DRG2: variants seen among roughly 807,000 people sequenced by gnomAD.
DRG2 encodes the protein developmentally regulated GTP binding protein 2, also known as developmentally-regulated GTP-binding protein 2.
A neutral mutation model predicts 53.4 loss-of-function variants in DRG2; 36 were observed. That is an observed-to-expected ratio of 0.67 (90% CI 0.52 to 0.89). The LOEUF (loss-of-function observed/expected upper bound fraction) is 0.89, where lower values mean the gene tolerates loss of function less well. Among genes scored for constraint, DRG2 ranks in the 40% least tolerant of loss-of-function variants. The pLI is 0.00. For missense variants in DRG2, 342 were observed against 481.2 expected, an observed-to-expected ratio of 0.71 and a Z score of 2.71; for synonymous variants, 167 against 192.1, an observed-to-expected ratio of 0.87 and a Z score of 1.08.
chr17:18,097,069 A>G (rs2045446055), intron 2 of DRG2: 1 of 152,072 alleles, frequency 6.6e-6, no homozygotes, highest in African/African-American at 2.4e-5. Context: ...CACCTGCCTT[A>G]TTGGGAGTAT....
At chr17:18,094,607 C>T (rs1220345921) in intron 2 of DRG2, among the ~76,000 whole-genome samples, 2 of 152,088 alleles carry the variant, frequency 1.3e-5, no homozygotes, top group South Asian at 2.1e-4. Context: ...GGGCAGAAGA[C>T]AGAGAGGATA....
intron 11 of DRG2, among the ~76,000 whole-genome samples, chr17:18,105,243 C>T (rs553832447): frequency 1.3e-5 from 2 of 152,286 alleles, no homozygotes; most frequent in Admixed American, 6.5e-5. Flanking sequence ...GTCACCTGAA[C>T]ATGACCCTGC....
At chr17:18,088,120 G>A in intron 1 of DRG2, 33 bp downstream of exon 1, 1 of 1,533,718 alleles carries the variant, frequency 6.5e-7, no homozygotes, top group Non-Finnish European at 8.8e-7. Flanking sequence ...CTTCCTTTCT[G>A]CCTGCCTCAG....
chr17:18,106,692 T>A (rs1224851980), intron 12 of DRG2, among the ~76,000 whole-genome samples: 1 of 145,342 alleles, frequency 6.9e-6, no homozygotes, highest in South Asian at 2.3e-4. Context: ...TTCTGGTTTT[T>A]TTTTTTTTTT....
intron 1 of DRG2, among the ~76,000 whole-genome samples, chr17:18,090,404 A>T (rs1165178637): frequency 0.31 from 3,600 of 11,534 alleles, 667 homozygotes; most frequent in South Asian, 0.63. Flanking sequence ...ATATATATAT[A>T]TATTTTTTTT....
At chr17:18,091,244 T>A (rs571764484) in intron 1 of DRG2, among the ~76,000 whole-genome samples, 1 of 152,320 alleles carries the variant, frequency 6.6e-6, no homozygotes, top group East Asian at 1.9e-4. Context: ...CTAAGCGATG[T>A]TCTTAGTGCT....
chr17:18,100,763 T>A lies in DRG2; in HGVS notation c.631+104T>A. 2.7e-6 allele frequency: 3 copies of A among 1,100,780 alleles called. No homozygotes were observed. Among genetic ancestry groups the A allele is most frequent in the Non-Finnish European group, 4.0e-6 (3 of 750,472 alleles). 68.2% of individuals were successfully genotyped at this position (1,100,780 alleles called of 1,614,324 possible). A position where few individuals can be genotyped will look rare whatever the true frequency, so the allele number is the denominator to read the frequency against. On this transcript the variant is annotated intron_variant, in intron 7 of 12. Coordinates refer to ENST00000225729, the MANE Select transcript of DRG2 (RefSeq NM_001388.5). The surrounding 1 kb of genome is among the most constrained non-coding windows in gnomAD (Gnocchi z 4.1). ...CCTCATGGAGCAGGGTGGCAGCAGG[T>A]CACCCCCACTGCCCCTGCTGTCCAT...
intron 9 of DRG2, 64 bp downstream of exon 9, chr17:18,102,061 G>A: frequency 6.6e-7 from 1 of 1,519,126 alleles, no homozygotes; most frequent in Non-Finnish European, 9.0e-7. Context: ...CAGTCGTCAG[G>A]CCTCCCAGCC....
Position 18,098,382 on chromosome 17 carries a change from G to A in DRG2, c.315+23G>A, listed in dbSNP as rs375195257. 2 of 1,605,114 alleles carry A rather than the reference G, an allele frequency of 1.2e-6. No individual in the cohort carries two copies. Among genetic ancestry groups the A allele is most frequent in the Non-Finnish European group, 1.7e-6 (2 of 1,172,120 alleles). On this transcript the variant is annotated intron_variant, in intron 3 of 12. Transcript: ENST00000225729. The surrounding 1 kb of genome is among the most constrained non-coding windows in gnomAD (Gnocchi z 4.1). Reference sequence around the variant, plus strand: ...GAAGTAAGTGGGTGTGCTGGGCCCAGAAGGAGAAGGGGCGCATGCTTGTGT... The same window carrying A: ...GAAGTAAGTGGGTGTGCTGGGCCCAAAAGGAGAAGGGGCGCATGCTTGTGT...
chr17:18,104,269 C>T lies in DRG2; in HGVS notation c.896-354C>T, dbSNP rs62073585. Among the ~76,000 whole-genome samples the T allele has an allele frequency of 5.8e-3, 891 of 152,320 alleles. 10 individuals carry two copies. The highest frequency in any genetic ancestry group is 9.2e-3 in the Non-Finnish European group (627 of 68,036). On this transcript the variant is annotated intron_variant, in intron 10 of 12. Coordinates refer to ENST00000225729, the MANE Select transcript of DRG2 (RefSeq NM_001388.5). ...CAGCTGAATTCGGAGCAGTTTGCAT[C>T]AACCCTGACTTTGGCAAGGAGTGAG...
Position 18,107,412 on chromosome 17 carries a change from G to C in DRG2, c.*172G>C. The C allele has an allele frequency of 1.5e-6, 1 of 654,224 alleles. No individual in the cohort carries two copies. Among genetic ancestry groups the C allele is most frequent in the Admixed American group, 2.6e-5 (1 of 38,730 alleles). The allele number at this position is 654,224 out of a possible 1,614,324, so 40.5% of individuals were successfully genotyped here. A position where few individuals can be genotyped will look rare whatever the true frequency, so the allele number is the denominator to read the frequency against. ...TCAGTAGGCAGACGAAGAGTGTGTT[G>C]GGGCAAAGGGGCTCGGTTGGAGGCA... On this transcript the variant is annotated 3_prime_UTR_variant, in exon 13 of 13. Coordinates refer to ENST00000225729, the MANE Select transcript of DRG2 (RefSeq NM_001388.5).
At chr17:18,094,045 C>G (rs2045384865) in intron 2 of DRG2, 72 bp downstream of exon 2, 11 of 1,549,636 alleles carry the variant, frequency 7.1e-6, no homozygotes, top group Non-Finnish European at 8.8e-6. Context: ...ACCATCCAGG[C>G]TCCCCTCGCT....
Position 18,100,532 on chromosome 17 carries a change from G to C in DRG2, c.541-37G>C. The stretch of plus-strand genomic sequence containing the variant: ...TGTGGGACCATTGCTGTGACCCCTC[G>C]GTCAGCAGTTCTCCCCATCCCTTTC... On this transcript the variant is annotated intron_variant, in intron 6 of 12. Coordinates refer to ENST00000225729, the MANE Select transcript of DRG2 (RefSeq NM_001388.5). This position sits in a 1 kb window ranked among gnomAD's most constrained non-coding sequence, Gnocchi z 4.1. The C allele has an allele frequency of 6.2e-7, 1 of 1,613,566 alleles. No individual in the cohort carries two copies. The highest frequency in any genetic ancestry group is 8.5e-7 in the Non-Finnish European group (1 of 1,179,482).
At position 18,102,087 on chromosome 17, in the gene DRG2, G is replaced by A. The variant is rs1440635750; in HGVS notation, c.806+90G>A. On this transcript the variant is annotated intron_variant, in intron 9 of 12. Transcript: ENST00000225729. ...CCTCCCAGCCACTTTGGCTGTGGAG[G>A]AGGAAAAGCCAGCACAGCCTCCAGC... The A allele has an allele frequency of 2.2e-6, 3 of 1,386,416 alleles. No individual in the cohort carries two copies. In the Admixed American group the frequency reaches 5.9e-5, roughly 27 times the overall value. 85.9% of individuals were successfully genotyped at this position (1,386,416 alleles called of 1,614,324 possible).
At chr17:18,106,252 A>C in intron 11 of DRG2, 181 bp from the exon 12 acceptor site, 1 of 625,724 alleles carries the variant, frequency 1.6e-6, no homozygotes, top group Admixed American at 2.4e-5. Flanking sequence ...TGCAGCTGTG[A>C]TTGGGTGGCT....
Position 18,106,341 on chromosome 17 carries a change from G to A in DRG2, c.955-92G>A. The A allele has an allele frequency of 2.1e-6, 3 of 1,457,692 alleles. No homozygotes were observed. In the South Asian group the frequency reaches 3.4e-5, roughly 17 times the overall value. The allele number at this position is 1,457,692 out of a possible 1,614,324, so 90.3% of individuals were successfully genotyped here. A position where few individuals can be genotyped will look rare whatever the true frequency, so the allele number is the denominator to read the frequency against. On this transcript the variant is annotated intron_variant, in intron 11 of 12. Transcript: ENST00000225729. Reference sequence around the variant, plus strand: ...CCTGCCGCGGGAACTCCTGCCTCTTGGCCTGTGTCCTGAGCTTTGGGTGTG... The same window carrying A: ...CCTGCCGCGGGAACTCCTGCCTCTTAGCCTGTGTCCTGAGCTTTGGGTGTG...
chr17:18,103,696 G>A lies in DRG2; in HGVS notation c.807-105G>A, dbSNP rs760639443. On this transcript the variant is annotated intron_variant, in intron 9 of 12. Coordinates refer to ENST00000225729, the MANE Select transcript of DRG2 (RefSeq NM_001388.5). The surrounding 1 kb of genome is among the most constrained non-coding windows in gnomAD (Gnocchi z 4.4). ...CTTGTTTCCCTGTGGGTACCAGCGG[G>A]CCACCTGGCCAGTGGAGGTTATCCG... The A allele has an allele frequency of 1.1e-5, 11 of 1,040,094 alleles. No individual in the cohort carries two copies. The highest frequency in any genetic ancestry group is 7.9e-5 in the African/African-American group (5 of 63,618). 64.4% of individuals were successfully genotyped at this position (1,040,094 alleles called of 1,614,324 possible).
At chr17:18,104,782 G>T in intron 11 of DRG2, 101 bp downstream of exon 11, 1 of 1,577,638 alleles carries the variant, frequency 6.3e-7, no homozygotes. Context: ...GGGCTCTGCT[G>T]GTCTCACTCT....
At chr17:18,093,553 G>A (rs1434040625) in intron 1 of DRG2, among the ~76,000 whole-genome samples, 1 of 152,156 alleles carries the variant, frequency 6.6e-6, no homozygotes, top group East Asian at 1.9e-4. Flanking sequence ...CCTGACCTCA[G>A]GTGATCCACC....
Sources: gnomAD v4.1 joint callset for allele counts (sites outside exome capture counted in the v4.1 genomes callset) on GRCh38, gnomAD v4.1.1 for gene constraint, Gnocchi (gnomAD v3.1) non-coding constraint, MANE v1.5 for transcripts, NCBI Gene and HGNC (gene_info 2026-07-23, HGNC 2026-07-21) for gene names.